Variants in AGAP1 observed in about 807,000 individuals in gnomAD.
AGAP1 encodes the protein arf-GAP with GTPase, ANK repeat and PH domain-containing protein 1.
AGAP1 carries 29 observed loss-of-function variants against 105.3 expected under a neutral mutation model. That is an observed-to-expected ratio of 0.28 (90% confidence interval 0.21 to 0.38). The LOEUF (loss-of-function observed/expected upper bound fraction) is 0.38. AGAP1 is among the 10% of genes least tolerant of loss of function. AGAP1 has a pLI of 1.00. For synonymous variants in AGAP1, 509 were observed against 485.9 expected, an observed-to-expected ratio of 1.05 and a Z score of -0.63; for missense variants, 998 against 1,165.1, an observed-to-expected ratio of 0.86 and a Z score of 2.09.
At chr2:235,897,888 G>A (rs944704516) in intron 10 of AGAP1, among the ~76,000 whole-genome samples, 2 of 152,308 alleles carry the variant, frequency 1.3e-5, no homozygotes, top group East Asian at 1.9e-4. Context: ...GGAGGGGCAG[G>A]GCTGGAGAGG....
chr2:235,629,414 G>A (rs976258534), intron 1 of AGAP1, among the ~76,000 whole-genome samples: 1 of 151,938 alleles, frequency 6.6e-6, no homozygotes, highest in African/African-American at 2.4e-5. Context: ...GGGGAGCAAG[G>A]AGGAAAGTGG....
rs1026269843 is a variant in AGAP1 at position 236,096,457 on chromosome 2, C to T, written c.2115-23735C>T. The stretch of plus-strand genomic sequence containing the variant: ...CAGAGGTTGCAGTGAGCCAAGATCG[C>T]ACCACTGCACTCCAGCCTTGGGGAC... On this transcript the variant is annotated intron_variant, in intron 16 of 17. Transcript: ENST00000304032. This position sits in a 1 kb window ranked among gnomAD's most constrained non-coding sequence, Gnocchi z 4.4. Among the ~76,000 whole-genome samples, 3 of 150,954 alleles carry T rather than the reference C, an allele frequency of 2.0e-5. No homozygotes were observed. Among genetic ancestry groups the T allele is most frequent in the African/African-American group, 7.3e-5 (3 of 41,138 alleles).
At chr2:235,523,070 C>T (rs974068498) in intron 1 of AGAP1, among the ~76,000 whole-genome samples, 4 of 152,116 alleles carry the variant, frequency 2.6e-5, no homozygotes, top group Non-Finnish European at 5.9e-5. Context: ...GGGCAGGCTC[C>T]GGTGAGGGCT....
rs1404060387 is a variant in AGAP1, at chr2:235,741,797, A to G, written c.396+749A>G. Among the ~76,000 whole-genome samples, 1 of 150,620 alleles carries G rather than the reference A, an allele frequency of 6.6e-6. No homozygotes were observed. Among genetic ancestry groups the G allele is most frequent in the African/African-American group, 2.4e-5 (1 of 40,906 alleles). On this transcript the variant is annotated intron_variant, in intron 4 of 17. Coordinates refer to ENST00000304032, the MANE Select transcript of AGAP1 (RefSeq NM_001037131.3). This position sits in a 1 kb window ranked among gnomAD's most constrained non-coding sequence, Gnocchi z 4.9. ...TTGAGACAGTCTCGCTCTGTTACCCAGGCTGGAGTGCAGTGACGTGATCTC... is the reference window on the plus strand; with the variant it reads ...TTGAGACAGTCTCGCTCTGTTACCCGGGCTGGAGTGCAGTGACGTGATCTC...
Position 235,957,365 on chromosome 2 carries a change from T to C in AGAP1, c.1484-11097T>C, listed in dbSNP as rs1291110929. On this transcript the variant is annotated intron_variant, in intron 12 of 17. Transcript: ENST00000304032. The surrounding 1 kb of genome is among the most constrained non-coding windows in gnomAD (Gnocchi z 4.6). The stretch of plus-strand genomic sequence containing the variant: ...GTTCTGGCTCCTCCTATTGTATTCC[T>C]TTCCTCCCCGTTTTTATAACTCAGT... Among the ~76,000 whole-genome samples, 1 of 152,220 alleles carries C rather than the reference T, an allele frequency of 6.6e-6. No homozygotes were observed. Among genetic ancestry groups the C allele is most frequent in the African/African-American group, 2.4e-5 (1 of 41,466 alleles).
intron 1 of AGAP1, among the ~76,000 whole-genome samples, chr2:235,696,334 C>T (rs925499933): frequency 1.3e-5 from 2 of 152,254 alleles, no homozygotes; most frequent in African/African-American, 2.4e-5. Flanking sequence ...GCGTGAGCCA[C>T]GGCCCCCAGC....
At chr2:235,944,256 C>G (rs1222088151) in intron 12 of AGAP1, among the ~76,000 whole-genome samples, 1 of 152,174 alleles carries the variant, frequency 6.6e-6, no homozygotes, top group Non-Finnish European at 1.5e-5. Flanking sequence ...ATACATCACA[C>G]TATTCTCACA....
Position 235,740,832 on chromosome 2 carries a change from A to C in AGAP1, c.311-131A>C, listed in dbSNP as rs1313733128. On this transcript the variant is annotated intron_variant, in intron 3 of 17. Transcript: ENST00000304032. This position sits in a 1 kb window ranked among gnomAD's most constrained non-coding sequence, Gnocchi z 5.7. ...TGTTAAAATTCAGCATTTGCTGGCAACATCCTAAATACTCAGTTGCCTCCA... is the reference window on the plus strand; with the variant it reads ...TGTTAAAATTCAGCATTTGCTGGCACCATCCTAAATACTCAGTTGCCTCCA... 10 of 983,664 alleles carry C rather than the reference A, an allele frequency of 1.0e-5. No homozygotes were observed. The highest frequency in any genetic ancestry group is 1.3e-5 in the Non-Finnish European group (9 of 666,712). 60.9% of individuals were successfully genotyped at this position (983,664 alleles called of 1,614,324 possible). A position where few individuals can be genotyped will look rare whatever the true frequency, so the allele number is the denominator to read the frequency against.
chr2:236,111,952 C>T (rs575173481), intron 16 of AGAP1, among the ~76,000 whole-genome samples: 64 of 152,282 alleles, frequency 4.2e-4, no homozygotes, highest in African/African-American at 1.3e-3. Flanking sequence ...TGTTGTCACG[C>T]GACTGGTCTT....
rs780482494 is a variant in AGAP1 at position 235,792,476 on chromosome 2, G to A, written c.674-5283G>A. On this transcript the variant is annotated intron_variant, in intron 6 of 17. Transcript: ENST00000304032. The surrounding 1 kb of genome is among the most constrained non-coding windows in gnomAD (Gnocchi z 5.3). Reference sequence around the variant, plus strand: ...GTTGAAAAACTGGAAATAGAACAGCGCTGTGGTAAGATTTGCCTTTGAGGT... The same window carrying A: ...GTTGAAAAACTGGAAATAGAACAGCACTGTGGTAAGATTTGCCTTTGAGGT... Among the ~76,000 whole-genome samples, 1 of 152,298 alleles carries A rather than the reference G, an allele frequency of 6.6e-6. No homozygotes were observed. Among genetic ancestry groups the A allele is most frequent in the Middle Eastern group, 3.4e-3 (1 of 294 alleles).
rs375760032 is a variant in AGAP1, at chr2:235,930,845, C to T, written c.1405C>T (p.His469Tyr). The T allele has an allele frequency of 6.2e-7, 1 of 1,614,170 alleles. No individual in the cohort carries two copies. ...VSFNSRPDGM[H>Y]QRSYSVSSAD... ...CTTCAACAGCCGACCCGACGGCATG[C>T]ACCAGCGCTCCTACTCAGTCTCCAG... Residue 469 changes from histidine to tyrosine, a missense_variant, in exon 12 of 18, where the codon CAC becomes TAC. By Grantham distance (83) the His-to-Tyr change is moderately conservative. This residue lies in a region of AGAP1 where 735 missense variants were observed against 833.4 expected (regional missense o/e 0.88). Coordinates refer to ENST00000304032, the MANE Select transcript of AGAP1 (RefSeq NM_001037131.3). The surrounding 1 kb of genome is among the most constrained non-coding windows in gnomAD (Gnocchi z 7.9).
chr2:235,858,795 G>A (rs1442607463), intron 9 of AGAP1, among the ~76,000 whole-genome samples: 1 of 152,204 alleles, frequency 6.6e-6, no homozygotes, highest in Admixed American at 6.5e-5. Flanking sequence ...TTTAATGCCA[G>A]CAGTAACAGT....
chr2:235,595,555 G>C (rs1194901667), intron 1 of AGAP1, among the ~76,000 whole-genome samples: 2 of 152,216 alleles, frequency 1.3e-5, no homozygotes, highest in Non-Finnish European at 1.5e-5. Flanking sequence ...GGATTTGTCA[G>C]TGCCACTTCC....
chr2:236,061,633 T>G lies in AGAP1; in HGVS notation c.2114+12352T>G, dbSNP rs1255704350. On this transcript the variant is annotated intron_variant, in intron 16 of 17. Transcript: ENST00000304032. This position sits in a 1 kb window ranked among gnomAD's most constrained non-coding sequence, Gnocchi z 4.1. Reference sequence around the variant, plus strand: ...CACACCGTGTACCATTCCATCTGTCTGATGGCGAAAACAGGCACCTCCATA... The same window carrying G: ...CACACCGTGTACCATTCCATCTGTCGGATGGCGAAAACAGGCACCTCCATA... Among the ~76,000 whole-genome samples the G allele has an allele frequency of 1.3e-5, 2 of 152,154 alleles. No homozygotes were observed. Among genetic ancestry groups the G allele is most frequent in the African/African-American group, 4.8e-5 (2 of 41,448 alleles).
At chr2:235,510,609 A>T (rs1397833928) in intron 1 of AGAP1, among the ~76,000 whole-genome samples, 3 of 152,090 alleles carry the variant, frequency 2.0e-5, no homozygotes, top group Non-Finnish European at 4.4e-5. Context: ...ATTAACTTTT[A>T]TGTAAACTGC....
intron 13 of AGAP1, among the ~76,000 whole-genome samples, chr2:235,990,751 A>G (rs986884524): frequency 1.3e-5 from 2 of 152,182 alleles, no homozygotes; most frequent in Non-Finnish European, 2.9e-5. Flanking sequence ...CTGCCTCTGG[A>G]TAGAGAGTGG....
At chr2:235,918,154 G>A (rs1315564907) in intron 11 of AGAP1, among the ~76,000 whole-genome samples, 4 of 152,186 alleles carry the variant, frequency 2.6e-5, no homozygotes, top group East Asian at 1.9e-4. Context: ...CACTCATGTC[G>A]ACCAAGGTCA....
At chr2:236,057,015 A>G (rs2058069625) in intron 16 of AGAP1, among the ~76,000 whole-genome samples, 1 of 152,224 alleles carries the variant, frequency 6.6e-6, no homozygotes, top group Non-Finnish European at 1.5e-5. Flanking sequence ...GTGCAAACAT[A>G]TTATGTAACT....
In AGAP1 at chr2:235,979,362, G is replaced by C. The variant is rs954475917; in HGVS notation, c.1645+10739G>C. ...CTGTCGTTCATTTGAATCCTGCATC[G>C]CTGATTTAAGTGTTAATCAAATGCC... On this transcript the variant is annotated intron_variant, in intron 13 of 17. Coordinates refer to ENST00000304032, the MANE Select transcript of AGAP1 (RefSeq NM_001037131.3). This position sits in a 1 kb window ranked among gnomAD's most constrained non-coding sequence, Gnocchi z 4.5. 6.6e-6 allele frequency among the ~76,000 whole-genome samples: 1 copy of C among 152,106 alleles called. No homozygotes were observed. Among genetic ancestry groups the C allele is most frequent in the Admixed American group, 6.5e-5 (1 of 15,272 alleles).
Sources: allele counts gnomAD v4.1 joint callset (sites outside exome capture counted in the v4.1 genomes callset), GRCh38; gene constraint gnomAD v4.1.1; regional missense constraint gnomAD v4.1.1; non-coding constraint Gnocchi (gnomAD v3.1); transcripts MANE v1.5; gene names NCBI Gene and HGNC (gene_info 2026-07-23, HGNC 2026-07-21).